Variants in MYBL2 observed in about 807,000 individuals in gnomAD.
MYBL2 encodes the protein MYB proto-oncogene like 2, also known as myb-related protein B.
Under a neutral mutation model 79.9 loss-of-function variants are expected in MYBL2, and 28 were observed. The observed-to-expected ratio is 0.35, with a 90% CI of 0.26 to 0.48. MYBL2 has a LOEUF of 0.48. MYBL2 is among the 20% of genes least tolerant of loss of function. The probability of loss-of-function intolerance (pLI) is 0.99; values close to 1 mark genes in which losing one functional copy is unlikely to be tolerated. For synonymous variants in MYBL2, 378 were observed against 361.2 expected (o/e 1.05, Z -0.53); for missense variants, 735 against 893.9 (o/e 0.82, Z 2.27).
In MYBL2 at chr20:43,668,527, C is replaced by T. The variant is rs150202236; in HGVS notation, c.20+1224C>T. 1.5e-3 allele frequency among the ~76,000 whole-genome samples: 229 copies of T among 152,110 alleles called. 1 individual carries two copies. Among genetic ancestry groups the T allele is most frequent in the African/African-American group, 5.2e-3 (214 of 41,524 alleles). On this transcript the variant is annotated intron_variant, in intron 1 of 13. Coordinates refer to ENST00000217026, the MANE Select transcript of MYBL2 (RefSeq NM_002466.4). ...ACTTCGGTCCCTCTTTAGACGATAGCCTCATCTAAAGATGAAGCCTTCCAT... is the reference window on the plus strand; with the variant it reads ...ACTTCGGTCCCTCTTTAGACGATAGTCTCATCTAAAGATGAAGCCTTCCAT...
intron 2 of MYBL2, among the ~76,000 whole-genome samples, chr20:43,676,277 C>G (rs1444397037): frequency 2.0e-5 from 3 of 149,826 alleles, no homozygotes; most frequent in Non-Finnish European, 3.0e-5. Context: ...CTCCCACCCT[C>G]CACCCTCAAG....
At chr20:43,714,904 C>T (rs1987992567) in intron 12 of MYBL2, among the ~76,000 whole-genome samples, 4 of 152,240 alleles carry the variant, frequency 2.6e-5, no homozygotes, top group Admixed American at 2.6e-4. Context: ...GCTGGGATTA[C>T]AGGCGTGAGC....
chr20:43,683,616 C>T (rs1449105277), intron 4 of MYBL2, among the ~76,000 whole-genome samples: 3 of 146,520 alleles, frequency 2.0e-5, no homozygotes, highest in African/African-American at 5.1e-5. Flanking sequence ...TGCAGTGGCG[C>T]GATCTCAGCT....
intron 2 of MYBL2, among the ~76,000 whole-genome samples, chr20:43,677,903 G>T (rs1324390667): frequency 6.6e-6 from 1 of 152,194 alleles, no homozygotes; most frequent in Non-Finnish European, 1.5e-5. Flanking sequence ...TCGGATGGTT[G>T]CCGTGTCTGT....
intron 2 of MYBL2, among the ~76,000 whole-genome samples, chr20:43,677,466 T>G (rs1987038495): frequency 6.6e-6 from 1 of 152,230 alleles, no homozygotes; most frequent in Non-Finnish European, 1.5e-5. Context: ...TTTGGAAATT[T>G]AGCAGTGAGG....
chr20:43,698,394 T>A (rs1416695568), intron 6 of MYBL2, among the ~76,000 whole-genome samples: 4 of 84,546 alleles, frequency 4.7e-5, no homozygotes, highest in Admixed American at 1.5e-4. Flanking sequence ...TTTTTTTTTT[T>A]TGAGACAGAG....
intron 12 of MYBL2, 81 bp downstream of exon 12, chr20:43,713,187 G>C: frequency 8.1e-7 from 1 of 1,229,754 alleles, no homozygotes; most frequent in South Asian, 1.3e-5. Flanking sequence ...CTCCAACTGG[G>C]CTTCTGGAAC....
intron 2 of MYBL2, among the ~76,000 whole-genome samples, chr20:43,675,263 A>G (rs1986976285): frequency 6.6e-6 from 1 of 151,788 alleles, no homozygotes; most frequent in African/African-American, 2.4e-5. Flanking sequence ...TATAGGTATG[A>G]GCCACTGTCC....
rs74529295 is a variant in MYBL2 at position 43,687,391 on chromosome 20, T to C, written c.500+319T>C. Among the ~76,000 whole-genome samples, 43 of 152,338 alleles carry C rather than the reference T, an allele frequency of 2.8e-4. 1 individual carries two copies. The East Asian group carries it at 7.9e-3, about 28-fold the overall frequency. ...GTTAGCCTCTTCTCTTCGACTTCAG[T>C]TTCTTCTAACACAGAATAGGCTTGA... On this transcript the variant is annotated intron_variant, in intron 5 of 13. Coordinates refer to ENST00000217026, the MANE Select transcript of MYBL2 (RefSeq NM_002466.4).
At chr20:43,707,199 A>ATTTTTT (rs1987811548) in intron 9 of MYBL2, among the ~76,000 whole-genome samples, 1 of 151,158 alleles carries the variant, frequency 6.6e-6, no homozygotes, top group African/African-American at 2.4e-5. Context: ...TTTTTTTAAA[A>ATTTTTT]AAAAAAGAGA....
In MYBL2 at chr20:43,670,352, T is replaced by A. The variant is rs115488999; in HGVS notation, c.20+3049T>A. Among the ~76,000 whole-genome samples, 1,409 of 152,302 alleles carry A rather than the reference T, an allele frequency of 9.3e-3. 13 individuals are homozygous for A. Among genetic ancestry groups the A allele is most frequent in the African/African-American group, 0.032 (1,331 of 41,562 alleles). Reference sequence around the variant, plus strand: ...CTATATTGAAGTGGTGGAGGACCCATGAACTGGGTCAGGAATGAATTCCAG... The same window carrying A: ...CTATATTGAAGTGGTGGAGGACCCAAGAACTGGGTCAGGAATGAATTCCAG... On this transcript the variant is annotated intron_variant, in intron 1 of 13. Coordinates refer to ENST00000217026, the MANE Select transcript of MYBL2 (RefSeq NM_002466.4).
At chr20:43,704,966 G>C (rs117521396) in intron 8 of MYBL2, among the ~76,000 whole-genome samples, 1 of 152,252 alleles carries the variant, frequency 6.6e-6, no homozygotes, top group South Asian at 2.1e-4. Context: ...GTCAGCACTC[G>C]AGTAGAGATG....
chr20:43,685,290 C>T (rs1268132404), intron 4 of MYBL2, among the ~76,000 whole-genome samples: 1 of 151,802 alleles, frequency 6.6e-6, no homozygotes, highest in African/African-American at 2.4e-5. Flanking sequence ...AAGCGATTTT[C>T]CTGCCTCAGC....
rs1987283691 is a variant in MYBL2, at chr20:43,686,753, CCT to C, written c.280-95_280-94del. The C allele has an allele frequency of 1.3e-5, 15 of 1,199,380 alleles. 1 individual carries two copies. In the East Asian group the frequency reaches 3.4e-4, roughly 28 times the overall value. 74.3% of individuals were successfully genotyped at this position (1,199,380 alleles called of 1,614,324 possible). ...GCCTGAGGGGATGTGGTAGGTGGCA[CCT>C]CTCAGGGCCATGGCAAGGCTCAGGT... On this transcript the variant is annotated intron_variant, in intron 4 of 13. Coordinates refer to ENST00000217026, the MANE Select transcript of MYBL2 (RefSeq NM_002466.4).
chr20:43,705,428 C>T lies in MYBL2; in HGVS notation c.1505+70C>T, dbSNP rs898412975. On this transcript the variant is annotated intron_variant, in intron 9 of 13. Coordinates refer to ENST00000217026, the MANE Select transcript of MYBL2 (RefSeq NM_002466.4). ...CAACACCAGACCATGGGCCTTGGGA[C>T]CACTGGTGGAACAGTGGGGAGGGGG... The T allele has an allele frequency of 2.7e-6, 4 of 1,494,244 alleles. No individual in the cohort carries two copies. The African/African-American group carries it at 5.6e-5, about 21-fold the overall frequency. 92.6% of individuals were successfully genotyped at this position (1,494,244 alleles called of 1,614,324 possible).
chr20:43,692,125 G>A, intron 5 of MYBL2, 32 bp from the exon 6 acceptor site: 1 of 1,607,900 alleles, frequency 6.2e-7, no homozygotes, highest in Non-Finnish European at 8.5e-7. Context: ...CCACAGAGCT[G>A]GGGTTCAAAG....
intron 7 of MYBL2, among the ~76,000 whole-genome samples, chr20:43,701,358 C>A (rs1342702369): frequency 6.6e-6 from 1 of 152,232 alleles, no homozygotes; most frequent in Non-Finnish European, 1.5e-5. Flanking sequence ...TCCTGCCCCC[C>A]AGCTGGCCTC....
Position 43,710,017 on chromosome 20 carries a change from C to G in MYBL2, c.1560C>G (p.Thr520=). Residue 520 remains threonine, a synonymous_variant, in exon 10 of 14, where the codon ACC becomes ACG. Transcript: ENST00000217026. ...TGGACAACACTCCCCACACGCCAAC[C>G]CCGTTCAAGAACGCCCTGGAGAAGT... is the stretch of plus-strand genomic sequence containing the variant. ...YSMDNTPHTP[T]PFKNALEKYG... is the part of the protein sequence containing the mutation. 1 of 1,610,164 alleles carries G rather than the reference C, an allele frequency of 6.2e-7. No individual in the cohort carries two copies. Among genetic ancestry groups the G allele is most frequent in the Non-Finnish European group, 8.5e-7 (1 of 1,178,236 alleles).
intron 8 of MYBL2, 43 bp from the exon 9 acceptor site, chr20:43,705,176 G>A: frequency 6.2e-7 from 1 of 1,606,074 alleles, no homozygotes; most frequent in Non-Finnish European, 8.5e-7. Context: ...GGATACTCAT[G>A]CAGGTCATCA....
Sources: allele counts gnomAD v4.1 joint callset (sites outside exome capture counted in the v4.1 genomes callset), GRCh38; gene constraint gnomAD v4.1.1; transcripts MANE v1.5; gene names NCBI Gene and HGNC (gene_info 2026-07-23, HGNC 2026-07-21).